Variants in AFG1L observed in about 807,000 individuals in gnomAD.
AFG1L encodes the protein AFG1-like ATPase.
A neutral mutation model predicts 62.2 loss-of-function variants in AFG1L; 53 were observed. The ratio of observed to expected loss-of-function variants is 0.85; its 90% CI spans 0.68 to 1.07. AFG1L has a LOEUF of 1.07. Among genes scored for constraint, AFG1L ranks in the 50% least tolerant of loss-of-function variants. The pLI is 0.00. For missense variants in AFG1L, 555 were observed against 590.5 expected, an observed-to-expected ratio of 0.94 and a Z score of 0.62; for synonymous variants, 228 against 210.3, an observed-to-expected ratio of 1.08 and a Z score of -0.73.
chr6:108,357,846 AT>A (rs1779351730), intron 5 of AFG1L, among the ~76,000 whole-genome samples: 1 of 152,230 alleles, frequency 6.6e-6, no homozygotes, highest in South Asian at 2.1e-4. Flanking sequence ...AGCATGCATG[AT>A]TGGTCTCCTT....
At chr6:108,311,874 A>T (rs1056492488) in intron 1 of AFG1L, among the ~76,000 whole-genome samples, 3 of 150,568 alleles carry the variant, frequency 2.0e-5, no homozygotes, top group East Asian at 2.0e-4. Context: ...ATTTTATTTT[A>T]TTTTTTTTGA....
intron 10 of AFG1L, among the ~76,000 whole-genome samples, chr6:108,499,445 A>T (rs1774100292): frequency 6.6e-6 from 1 of 151,886 alleles, no homozygotes; most frequent in South Asian, 2.1e-4. Flanking sequence ...GACTTTTAAA[A>T]TTTTAATCCA....
At position 108,460,773 on chromosome 6, in the gene AFG1L, C is replaced by T. The variant is rs890727127; in HGVS notation, c.890+13477C>T. Among the ~76,000 whole-genome samples the T allele has an allele frequency of 7.2e-5, 11 of 152,144 alleles. No individual in the cohort carries two copies. In the South Asian group the frequency reaches 2.3e-3, roughly 32 times the overall value. ...GAGATTGAGACCATCCTGGCTAACA[C>T]GGTGAAACCCTGTCTCTACTAAAAA... On this transcript the variant is annotated intron_variant, in intron 8 of 12. Coordinates refer to ENST00000368977, the MANE Select transcript of AFG1L (RefSeq NM_145315.5).
intron 10 of AFG1L, among the ~76,000 whole-genome samples, chr6:108,494,924 C>A (rs1773918016): frequency 6.6e-6 from 1 of 151,844 alleles, no homozygotes; most frequent in East Asian, 1.9e-4. Flanking sequence ...GCGTGCACCA[C>A]CCTGCCCAGC....
chr6:108,493,385 T>G (rs1234357180), intron 10 of AFG1L, among the ~76,000 whole-genome samples: 1 of 152,214 alleles, frequency 6.6e-6, no homozygotes, highest in African/African-American at 2.4e-5. Context: ...AGCAGCAGCC[T>G]TGTTCTTCAC....
At chr6:108,431,660 G>A (rs9374033) in intron 7 of AFG1L, among the ~76,000 whole-genome samples, 3 of 143,112 alleles carry the variant, frequency 2.1e-5, no homozygotes, top group African/African-American at 7.9e-5. Context: ...GAGTGCAATA[G>A]CACGATCTCA....
At chr6:108,499,509 GT>G (rs1436770004) in intron 10 of AFG1L, among the ~76,000 whole-genome samples, 1 of 146,346 alleles carries the variant, frequency 6.8e-6, no homozygotes, top group African/African-American at 2.5e-5. Flanking sequence ...AGGCCAAGGT[GT>G]TTGGGATTGC....
At chr6:108,402,537 ACAGT>A (rs1249163031) in intron 7 of AFG1L, among the ~76,000 whole-genome samples, 1 of 151,848 alleles carries the variant, frequency 6.6e-6, no homozygotes, top group Non-Finnish European at 1.5e-5. Flanking sequence ...CTAGATAGTA[ACAGT>A]CAAAGACACT....
chr6:108,471,788 C>T (rs1364941991), intron 8 of AFG1L, among the ~76,000 whole-genome samples: 2 of 152,142 alleles, frequency 1.3e-5, no homozygotes, highest in African/African-American at 2.4e-5. Flanking sequence ...GATACTTCGA[C>T]AAGAAATATA....
At chr6:108,502,025 A>G (rs1774224627) in intron 10 of AFG1L, among the ~76,000 whole-genome samples, 1 of 152,046 alleles carries the variant, frequency 6.6e-6, no homozygotes. Context: ...TCTTGCCTCA[A>G]TGTTTTGTTT....
At chr6:108,392,678 G>A (rs564744430) in intron 6 of AFG1L, among the ~76,000 whole-genome samples, 1 of 152,144 alleles carries the variant, frequency 6.6e-6, no homozygotes, top group Admixed American at 6.5e-5. Context: ...AGCTATTTCA[G>A]CAACAGCTGC....
Position 108,510,194 on chromosome 6 carries a change from T to G in AFG1L, c.1063-18T>G, listed in dbSNP as rs1165264220. ...ATTGGTTTATTTTTAAGTTTTCTTT[T>G]ATTTCATTTTATCATAGCCACTTGG... On this transcript the variant is annotated intron_variant, in intron 10 of 12. Transcript: ENST00000368977. The G allele has an allele frequency of 6.3e-7, 1 of 1,581,076 alleles. No individual in the cohort carries two copies. The highest frequency in any genetic ancestry group is 1.4e-5 in the African/African-American group (1 of 73,254).
chr6:108,449,700 A>G (rs1334068844), intron 8 of AFG1L, among the ~76,000 whole-genome samples: 4 of 152,056 alleles, frequency 2.6e-5, no homozygotes, highest in Non-Finnish European at 5.9e-5. Context: ...TGCTGCACCC[A>G]TTAACTCCTC....
intron 5 of AFG1L, among the ~76,000 whole-genome samples, chr6:108,365,264 C>G (rs1779708332): frequency 6.6e-6 from 1 of 152,112 alleles, no homozygotes; most frequent in Non-Finnish European, 1.5e-5. Flanking sequence ...TTTTTGGAGT[C>G]AACTTCTTTC....
chr6:108,424,207 A>T (rs1472130887), intron 7 of AFG1L, among the ~76,000 whole-genome samples: 1 of 152,100 alleles, frequency 6.6e-6, no homozygotes, highest in Non-Finnish European at 1.5e-5. Context: ...AACCTGTGTG[A>T]GCTCATTTCC....
intron 6 of AFG1L, among the ~76,000 whole-genome samples, chr6:108,400,978 T>C (rs1781576214): frequency 2.0e-5 from 3 of 149,318 alleles, no homozygotes; most frequent in Non-Finnish European, 4.4e-5. Flanking sequence ...ATTCTTTTTT[T>C]CTTTTTTTTT....
intron 1 of AFG1L, 40 bp downstream of exon 1, chr6:108,295,258 A>T: frequency 6.4e-7 from 1 of 1,568,078 alleles, no homozygotes; most frequent in South Asian, 1.1e-5. Flanking sequence ...CCGACTGCAT[A>T]TGACTGGAGA....
chr6:108,343,547 T>A (rs1340865394), intron 2 of AFG1L, among the ~76,000 whole-genome samples: 2 of 152,214 alleles, frequency 1.3e-5, no homozygotes, highest in East Asian at 3.8e-4. Flanking sequence ...CTCAGTTACC[T>A]AATACAAAAT....
At chr6:108,396,765 A>G (rs1781327825) in intron 6 of AFG1L, among the ~76,000 whole-genome samples, 1 of 152,156 alleles carries the variant, frequency 6.6e-6, no homozygotes, top group Non-Finnish European at 1.5e-5. Flanking sequence ...TGCTGGGATT[A>G]CAGGCTTGAG....
Sources: allele counts gnomAD v4.1 joint callset (sites outside exome capture counted in the v4.1 genomes callset), GRCh38; gene constraint gnomAD v4.1.1; transcripts MANE v1.5; gene names NCBI Gene and HGNC (gene_info 2026-07-23, HGNC 2026-07-21).